PTPRT: variants seen among roughly 807,000 people sequenced by gnomAD.
PTPRT encodes protein tyrosine phosphatase receptor type T, also known as receptor-type tyrosine-protein phosphatase T.
Under a neutral mutation model 176.8 loss-of-function variants are expected in PTPRT, and 56 were observed. That is an observed-to-expected ratio of 0.32 (90% CI 0.26 to 0.40). The LOEUF is 0.40. Ranked by LOEUF, PTPRT falls within the 10% of genes least tolerant of loss-of-function variation. The pLI is 1.00. For synonymous variants in PTPRT, 783 were observed against 739.0 expected, an observed-to-expected ratio of 1.06 and a Z score of -0.96; for missense variants, 1,540 against 1,908.2, an observed-to-expected ratio of 0.81 and a Z score of 3.60.
At chr20:43,102,268 C>G (rs1386409206) in intron 1 of PTPRT, among the ~76,000 whole-genome samples, 1 of 147,284 alleles carries the variant, frequency 6.8e-6, no homozygotes, top group Non-Finnish European at 1.5e-5. Flanking sequence ...CTCTCTCTGT[C>G]TCTTTCACTC....
chr20:42,475,949 G>A lies in PTPRT; in HGVS notation c.1154-3387C>T, dbSNP rs531184262. ...CTTGAGCATGTGTGACTGTCACGGC[G>A]GGCCCCGGGTACAGTGCTGCTGACT... On this transcript the variant is annotated intron_variant, in intron 7 of 30. Coordinates refer to ENST00000373187, the MANE Select transcript of PTPRT (RefSeq NM_007050.6). Among the ~76,000 whole-genome samples, 9 of 152,268 alleles carry A rather than the reference G, an allele frequency of 5.9e-5. No individual in the cohort carries two copies. The South Asian group carries it at 1.2e-3, about 21-fold the overall frequency.
intron 6 of PTPRT, among the ~76,000 whole-genome samples, chr20:42,693,752 A>C (rs1158694459): frequency 2.6e-5 from 4 of 152,186 alleles, no homozygotes; most frequent in Non-Finnish European, 5.9e-5. Context: ...GTAAACAATA[A>C]GATTTATATA....
rs1982902418 is a variant in PTPRT, at chr20:42,077,613, C to A, written c.*3266G>T. 9.1e-6 allele frequency: 2 copies of A among 219,268 alleles called. No individual in the cohort carries two copies. The highest frequency in any genetic ancestry group is 1.2e-4 in the Admixed American group (2 of 17,262). 13.6% of individuals were successfully genotyped at this position (219,268 alleles called of 1,614,324 possible). ...CCTGGGCACTGGTGCCCCATCTCAT[C>A]CAAGCCTTGCCACATCCTTGTCCCA... On this transcript the variant is annotated 3_prime_UTR_variant, in exon 31 of 31. Transcript: ENST00000373187.
chr20:42,808,268 C>T (rs963006798), intron 2 of PTPRT, among the ~76,000 whole-genome samples: 3 of 152,184 alleles, frequency 2.0e-5, no homozygotes, highest in East Asian at 1.9e-4. Flanking sequence ...TCCTAATAAA[C>T]ACTCATCTCC....
At chr20:42,945,933 G>T (rs1980857985) in intron 1 of PTPRT, among the ~76,000 whole-genome samples, 1 of 152,022 alleles carries the variant, frequency 6.6e-6, no homozygotes, top group Non-Finnish European at 1.5e-5. Context: ...CTATGGATCT[G>T]CCTTGTCTGC....
intron 1 of PTPRT, among the ~76,000 whole-genome samples, chr20:43,069,480 A>G (rs772417746): frequency 1.3e-5 from 2 of 152,266 alleles, no homozygotes; most frequent in Non-Finnish European, 2.9e-5. Flanking sequence ...TTATTACCTT[A>G]AGTGGGAATC....
intron 2 of PTPRT, among the ~76,000 whole-genome samples, chr20:42,847,118 G>A (rs368928369): frequency 8.5e-5 from 13 of 152,208 alleles, no homozygotes; most frequent in African/African-American, 2.9e-4. Context: ...TTCGAATGAG[G>A]AGAATCCAAG....
At chr20:42,994,048 G>A (rs1428013705) in intron 1 of PTPRT, among the ~76,000 whole-genome samples, 1 of 152,102 alleles carries the variant, frequency 6.6e-6, no homozygotes, top group Non-Finnish European at 1.5e-5. Flanking sequence ...AAACTTTTGG[G>A]ATGTTATTCT....
At chr20:42,902,008 C>T (rs1280885144) in intron 1 of PTPRT, among the ~76,000 whole-genome samples, 1 of 152,088 alleles carries the variant, frequency 6.6e-6, no homozygotes, top group Non-Finnish European at 1.5e-5. Flanking sequence ...TACTATCTAG[C>T]CTTTGATGGA....
At chr20:42,695,210 A>G (rs1648413139) in intron 6 of PTPRT, among the ~76,000 whole-genome samples, 1 of 152,224 alleles carries the variant, frequency 6.6e-6, no homozygotes, top group Non-Finnish European at 1.5e-5. Context: ...GCTTTCACAG[A>G]GCAAAAATTT....
At chr20:42,696,378 C>A (rs1162118229) in intron 6 of PTPRT, among the ~76,000 whole-genome samples, 1 of 151,314 alleles carries the variant, frequency 6.6e-6, no homozygotes, top group African/African-American at 2.4e-5. Context: ...TCTGCCATGT[C>A]ATGAGTGGTT....
intron 6 of PTPRT, among the ~76,000 whole-genome samples, chr20:42,711,240 G>A (rs2076140251): frequency 6.6e-6 from 1 of 152,166 alleles, no homozygotes; most frequent in South Asian, 2.1e-4. Flanking sequence ...TTTTGCATGT[G>A]AGAAGGACAT....
At chr20:42,474,027 A>G (rs2071244399) in intron 7 of PTPRT, among the ~76,000 whole-genome samples, 2 of 152,164 alleles carry the variant, frequency 1.3e-5, no homozygotes, top group Admixed American at 1.3e-4. Flanking sequence ...GTTAGATGAG[A>G]TGCTTGTAAA....
chr20:42,054,001 A>G, the PTPRT span, among the ~76,000 whole-genome samples: 1 of 152,146 alleles, frequency 6.6e-6, no homozygotes, highest in African/African-American at 2.4e-5. Context: ...GATGTCAGGG[A>G]TCAGTCTCTG....
intron 9 of PTPRT, among the ~76,000 whole-genome samples, chr20:42,430,667 C>T (rs939985599): frequency 1.3e-5 from 2 of 152,178 alleles, no homozygotes; most frequent in African/African-American, 4.8e-5. Flanking sequence ...TGGGAGATGA[C>T]TGGGGACCAG....
chr20:42,843,234 G>T (rs756442003), intron 2 of PTPRT, among the ~76,000 whole-genome samples: 4 of 152,080 alleles, frequency 2.6e-5, no homozygotes, highest in Non-Finnish European at 5.9e-5. Flanking sequence ...GCTTCCGATA[G>T]ACAATTTCAG....
intron 2 of PTPRT, among the ~76,000 whole-genome samples, chr20:42,884,505 C>A (rs558512685): frequency 6.6e-6 from 1 of 152,250 alleles, no homozygotes; most frequent in South Asian, 2.1e-4. Context: ...GATGACATGG[C>A]AGCTGGGCAG....
At chr20:42,993,909 A>C in intron 1 of PTPRT, among the ~76,000 whole-genome samples, 1 of 152,042 alleles carries the variant, frequency 6.6e-6, no homozygotes. Flanking sequence ...AGATATCCTG[A>C]CTCAAATAGA....
chr20:42,422,865 T>C (rs1056418321), intron 9 of PTPRT, among the ~76,000 whole-genome samples: 6 of 152,100 alleles, frequency 3.9e-5, no homozygotes, highest in African/African-American at 1.4e-4. Context: ...AATGCAGCCA[T>C]AAAAAGGAAT....
Sources: gnomAD v4.1 joint callset for allele counts (sites outside exome capture counted in the v4.1 genomes callset) on GRCh38, gnomAD v4.1.1 for gene constraint, MANE v1.5 for transcripts, NCBI Gene and HGNC (gene_info 2026-07-23, HGNC 2026-07-21) for gene names.